KIAA0040: variants seen among roughly 807,000 people sequenced by gnomAD.
The protein encoded by KIAA0040 is uncharacterized protein KIAA0040.
KIAA0040 carries 10 observed loss-of-function variants against 7.2 expected under a neutral mutation model. That is an observed-to-expected ratio of 1.38 (90% confidence interval 0.85 to 2.34). The LOEUF (loss-of-function observed/expected upper bound fraction) is 2.34, where lower values mean the gene tolerates loss of function less well. Among genes scored for constraint, KIAA0040 ranks in the 30% most tolerant of loss-of-function variants. The pLI is 0.00. For synonymous variants in KIAA0040, 49 were observed against 40.1 expected, an observed-to-expected ratio of 1.22 and a Z score of -0.84; for missense variants, 89 against 108.2, an observed-to-expected ratio of 0.82 and a Z score of 0.79.
At chr1:175,191,119 C>G (rs896349460) in intron 1 of KIAA0040, among the ~76,000 whole-genome samples, 2 of 152,206 alleles carry the variant, frequency 1.3e-5, no homozygotes, top group African/African-American at 4.8e-5. Flanking sequence ...CTGTATCTGT[C>G]TCACTTACCA....
intron 2 of KIAA0040, among the ~76,000 whole-genome samples, chr1:175,167,995 C>T (rs914094275): frequency 2.6e-5 from 4 of 152,138 alleles, no homozygotes; most frequent in African/African-American, 9.7e-5. Context: ...GGCCTCTCCA[C>T]CCTGCCTGTC....
intron 1 of KIAA0040, among the ~76,000 whole-genome samples, chr1:175,191,939 G>C (rs1430316078): frequency 6.6e-6 from 1 of 152,174 alleles, no homozygotes; most frequent in Non-Finnish European, 1.5e-5. Flanking sequence ...CTTTCGGTTA[G>C]GCAGGACTGG....
At chr1:175,170,413 C>A (rs1676940727) in intron 2 of KIAA0040, among the ~76,000 whole-genome samples, 1 of 152,184 alleles carries the variant, frequency 6.6e-6, no homozygotes, top group Non-Finnish European at 1.5e-5. Context: ...AACGCGCACT[C>A]CCTGCGCAAC....
chr1:175,184,982 G>A lies in KIAA0040; in HGVS notation c.-383-7298C>T, dbSNP rs1341334397. Among the ~76,000 whole-genome samples, 3 of 152,188 alleles carry A rather than the reference G, an allele frequency of 2.0e-5. No individual in the cohort carries two copies. In the East Asian group the frequency reaches 5.8e-4, roughly 29 times the overall value. ...GCAGATTTCCTTTGCAGGAGCTGGT[G>A]AAGAGCACTTAGCTCTTCGTGGAGA... On this transcript the variant is annotated intron_variant, in intron 1 of 3. Transcript: ENST00000423313.
chr1:175,189,390 G>T (rs1677784258), intron 1 of KIAA0040, among the ~76,000 whole-genome samples: 1 of 152,202 alleles, frequency 6.6e-6, no homozygotes, highest in African/African-American at 2.4e-5. Flanking sequence ...AGTGGGGTGG[G>T]TCTAAGGCCT....
chr1:175,161,346 C>T (rs1406611735), intron 3 of KIAA0040, among the ~76,000 whole-genome samples, 200 bp from the exon 4 acceptor site: 2 of 152,308 alleles, frequency 1.3e-5, no homozygotes, highest in African/African-American at 4.8e-5. Flanking sequence ...TATGTACACA[C>T]ATTATATTGG....
At chr1:175,168,762 C>T (rs959100687) in intron 2 of KIAA0040, among the ~76,000 whole-genome samples, 1 of 152,236 alleles carries the variant, frequency 6.6e-6, no homozygotes, top group East Asian at 1.9e-4. Context: ...CTTCCACAAA[C>T]TCTTCCACAG....
At chr1:175,174,621 A>T (rs986037209) in intron 2 of KIAA0040, among the ~76,000 whole-genome samples, 7 of 152,214 alleles carry the variant, frequency 4.6e-5, no homozygotes, top group African/African-American at 1.7e-4. Context: ...AGGGGATTAT[A>T]TTAAAAGGCT....
intron 2 of KIAA0040, among the ~76,000 whole-genome samples, chr1:175,168,298 C>A (rs1478000512): frequency 6.6e-6 from 1 of 152,134 alleles, no homozygotes; most frequent in Non-Finnish European, 1.5e-5. Context: ...TTAGACCCAG[C>A]TCTAGGCATT....
chr1:175,174,693 T>TC (rs1677112077), intron 2 of KIAA0040, among the ~76,000 whole-genome samples: 1 of 152,040 alleles, frequency 6.6e-6, no homozygotes, highest in African/African-American at 2.4e-5. Context: ...CACCCTCCTA[T>TC]CCCCCGCCTT....
chr1:175,162,575 A>C (rs1276614605), intron 3 of KIAA0040, among the ~76,000 whole-genome samples: 1 of 152,168 alleles, frequency 6.6e-6, no homozygotes, highest in African/African-American at 2.4e-5. Flanking sequence ...GTGTCTACGG[A>C]TGGGAACACT....
chr1:175,161,279 A>G, intron 3 of KIAA0040, 133 bp from the exon 4 acceptor site: 1 of 361,224 alleles, frequency 2.8e-6, no homozygotes, highest in East Asian at 5.4e-5. Context: ...ACTTGTATTG[A>G]CTCAATAAAC....
chr1:175,162,130 G>A (rs1341291342), intron 3 of KIAA0040, among the ~76,000 whole-genome samples: 1 of 152,130 alleles, frequency 6.6e-6, no homozygotes, highest in Non-Finnish European at 1.5e-5. Flanking sequence ...CAGCTCTCAA[G>A]TATAAGGTCT....
At chr1:175,182,747 G>A (rs1003001502) in intron 1 of KIAA0040, among the ~76,000 whole-genome samples, 3 of 152,170 alleles carry the variant, frequency 2.0e-5, no homozygotes, top group African/African-American at 7.2e-5. Context: ...CTATAAAAGG[G>A]GGATAAGAAT....
chr1:175,192,668 G>C lies in KIAA0040; in HGVS notation c.-412C>G, dbSNP rs975998516. On this transcript the variant is annotated 5_prime_UTR_variant, in exon 1 of 4. Transcript: ENST00000423313. Reference sequence around the variant, plus strand: ...TCGGTCCGCGGAAGGGCTTCCTGCAGGCCCAGGGAATCTCCTGGTTGCTGC... The same window carrying C: ...TCGGTCCGCGGAAGGGCTTCCTGCACGCCCAGGGAATCTCCTGGTTGCTGC... 2.0e-5 allele frequency: 3 copies of C among 152,280 alleles called. No individual in the cohort carries two copies. Among genetic ancestry groups the C allele is most frequent in the Admixed American group, 2.0e-4 (3 of 15,292 alleles). The allele number at this position is 152,280 out of a possible 1,614,324, so 9.4% of individuals were successfully genotyped here.
chr1:175,188,703 C>T (rs1677756154), intron 1 of KIAA0040, among the ~76,000 whole-genome samples: 1 of 152,118 alleles, frequency 6.6e-6, no homozygotes, highest in African/African-American at 2.4e-5. Context: ...TCTTTGGGAA[C>T]TCCTGAGAAA....
chr1:175,161,000 C>A lies in KIAA0040; in HGVS notation c.14G>T (p.Ser5Ile), dbSNP rs1676519705. The A allele has an allele frequency of 3.9e-6, 6 of 1,550,768 alleles. No homozygotes were observed. Among genetic ancestry groups the A allele is most frequent in the Non-Finnish European group, 5.2e-6 (6 of 1,146,754 alleles). The part of the protein sequence containing the change: MERI[S>I]AFFSSIWDTI... ...GTCCCAGATAGAGCTGAAGAAGGCA[C>A]TGATTCTCTCCATGGTGCTTGGCTA... The change falls in exon 4 of 4, where the codon AGT becomes ATT. Residue 5 changes from serine (S) to isoleucine (I), a missense_variant. Transcript: ENST00000423313.
At chr1:175,168,906 G>A (rs1017106875) in intron 2 of KIAA0040, among the ~76,000 whole-genome samples, 4 of 152,170 alleles carry the variant, frequency 2.6e-5, no homozygotes, top group African/African-American at 4.8e-5. Context: ...CTTCTCCCGG[G>A]CCCTCCCTGT....
chr1:175,162,893 A>G (rs1406219598), intron 3 of KIAA0040, among the ~76,000 whole-genome samples: 1 of 152,260 alleles, frequency 6.6e-6, no homozygotes, highest in Non-Finnish European at 1.5e-5. Context: ...AAGAAATGTT[A>G]TAGGATGACA....
Sources: allele counts gnomAD v4.1 joint callset (sites outside exome capture counted in the v4.1 genomes callset), GRCh38; gene constraint gnomAD v4.1.1; transcripts MANE v1.5; gene names NCBI Gene and HGNC (gene_info 2026-07-23, HGNC 2026-07-21).